TMEM74: variants seen among roughly 807,000 people sequenced by gnomAD.
TMEM74 encodes transmembrane protein 74.
A neutral mutation model predicts 18.1 loss-of-function variants in TMEM74; 13 were observed. The ratio of observed to expected loss-of-function variants is 0.72; its 90% confidence interval spans 0.47 to 1.14. The LOEUF (loss-of-function observed/expected upper bound fraction) is 1.14. TMEM74 is among the 50% of genes most tolerant of loss of function. The pLI, the probability that TMEM74 is intolerant of heterozygous loss-of-function variation, is 0.00. For missense variants in TMEM74, 372 were observed against 375.9 expected (o/e 0.99, Z 0.09); for synonymous variants, 159 against 146.6 (o/e 1.08, Z -0.61).
rs537044253 is a variant in TMEM74 at position 108,641,749 on chromosome 8, T to C, written n.264+13544A>G. 3.3e-5 allele frequency among the ~76,000 whole-genome samples: 5 copies of C among 152,162 alleles called. No individual in the cohort carries two copies. The East Asian group carries it at 5.8e-4, about 18-fold the overall frequency. ...AGTAACAACTAAATCTATTAATCTA[T>C]AGCCCAATCCAATAATCTTTCTTGC... is the stretch of plus-strand genomic sequence containing the variant. On this transcript the variant is annotated intron_variant and non_coding_transcript_variant, in intron 2 of 3. Coordinates refer to the TMEM74 transcript ENST00000518838.
chr8:108,724,586 G>A (rs931416477), intron 1 of TMEM74, among the ~76,000 whole-genome samples: 4 of 152,110 alleles, frequency 2.6e-5, no homozygotes, highest in Non-Finnish European at 4.4e-5. Flanking sequence ...GAAATAAAAA[G>A]TGATTCATTA....
intron 1 of TMEM74, among the ~76,000 whole-genome samples, chr8:108,771,584 GCAT>G (rs1814173684): frequency 6.6e-6 from 1 of 152,162 alleles, no homozygotes; most frequent in Non-Finnish European, 1.5e-5. Flanking sequence ...AAGCGCTGCT[GCAT>G]CATCAGCTAC....
chr8:108,633,733 A>T (rs1285892206), intron 2 of TMEM74, among the ~76,000 whole-genome samples: 2 of 152,016 alleles, frequency 1.3e-5, no homozygotes, highest in African/African-American at 4.8e-5. Flanking sequence ...AATTGTCAGC[A>T]TCAATACTGA....
At chr8:108,722,739 T>C (rs1434139537) in intron 1 of TMEM74, among the ~76,000 whole-genome samples, 1 of 148,660 alleles carries the variant, frequency 6.7e-6, no homozygotes, top group East Asian at 1.9e-4. Flanking sequence ...CCCACTAAGC[T>C]GTATTTTTTT....
At chr8:108,609,349 A>T (rs926402258) in intron 2 of TMEM74, among the ~76,000 whole-genome samples, 1 of 151,958 alleles carries the variant, frequency 6.6e-6, no homozygotes, top group Non-Finnish European at 1.5e-5. Context: ...AAGTTAAACT[A>T]TTCTTAAAAT....
At chr8:108,703,228 C>A (rs1813354619) in intron 1 of TMEM74, among the ~76,000 whole-genome samples, 1 of 152,156 alleles carries the variant, frequency 6.6e-6, no homozygotes, top group East Asian at 1.9e-4. Flanking sequence ...TGAACAGATC[C>A]TCTTATCCCA....
chr8:108,741,487 T>C (rs1813799703), intron 1 of TMEM74, among the ~76,000 whole-genome samples: 2 of 152,220 alleles, frequency 1.3e-5, no homozygotes, highest in Admixed American at 1.3e-4. Context: ...GGGACAGCCA[T>C]GGTTTACACC....
intron 2 of TMEM74, among the ~76,000 whole-genome samples, chr8:108,641,754 CA>C (rs1586244009): frequency 6.6e-6 from 1 of 152,096 alleles, no homozygotes; most frequent in East Asian, 1.9e-4. Context: ...ATCTATAGCC[CA>C]ATCCAATAAT....
intron 1 of TMEM74, among the ~76,000 whole-genome samples, chr8:108,715,776 T>C (rs913715569): frequency 6.6e-6 from 1 of 151,960 alleles, no homozygotes; most frequent in Non-Finnish European, 1.5e-5. Context: ...ATTAAAAAAG[T>C]CTAACCAAAT....
chr8:108,779,158 TAAGA>T lies in TMEM74; in HGVS notation c.*5019_*5022del, dbSNP rs1378693097. On this transcript the variant is annotated 3_prime_UTR_variant, in exon 2 of 2. Transcript: ENST00000297459. ...TTAACATATAAGGCATCAAGTGCCCTAAGAAAGAGCTCATAACCTTAATAATTGC... is the reference window on the plus strand; with the variant it reads ...TTAACATATAAGGCATCAAGTGCCCTAAGAGCTCATAACCTTAATAATTGC... Among the ~76,000 whole-genome samples the T allele has an allele frequency of 4.6e-5, 7 of 152,184 alleles. No individual in the cohort carries two copies. The highest frequency in any genetic ancestry group is 4.4e-5 in the Non-Finnish European group (3 of 68,026).
At chr8:108,698,576 T>C (rs983689313) in intron 1 of TMEM74, among the ~76,000 whole-genome samples, 4 of 152,174 alleles carry the variant, frequency 2.6e-5, no homozygotes. Context: ...TTACTATTGT[T>C]GTTACTGTTA....
At chr8:108,759,970 G>A (rs1469074677) in intron 1 of TMEM74, among the ~76,000 whole-genome samples, 1 of 151,946 alleles carries the variant, frequency 6.6e-6, no homozygotes, top group African/African-American at 2.4e-5. Flanking sequence ...GTCAGGAGTT[G>A]AAGACCAGCC....
chr8:108,659,748 G>A (rs1422441652), intron 1 of TMEM74, among the ~76,000 whole-genome samples: 1 of 152,098 alleles, frequency 6.6e-6, no homozygotes, highest in East Asian at 1.9e-4. Flanking sequence ...TACCCCTCAA[G>A]GAGGACTTGT....
chr8:108,710,238 T>C (rs1456924751), intron 1 of TMEM74, among the ~76,000 whole-genome samples: 3 of 152,242 alleles, frequency 2.0e-5, no homozygotes, highest in Non-Finnish European at 4.4e-5. Flanking sequence ...AGTGTTTCAA[T>C]GCTTAGCATT....
intron 1 of TMEM74, among the ~76,000 whole-genome samples, chr8:108,737,005 CG>C (rs1813755555): frequency 6.6e-6 from 1 of 152,014 alleles, no homozygotes; most frequent in South Asian, 2.1e-4. Flanking sequence ...AAAAGACAAA[CG>C]TTTAACTTTA....
At chr8:108,763,730 G>A (rs111713839) in intron 1 of TMEM74, among the ~76,000 whole-genome samples, 2,734 of 152,214 alleles carry the variant, frequency 0.018, 89 homozygotes, top group African/African-American at 0.062. Flanking sequence ...TTTAATTAGT[G>A]AAATTCCATA....
chr8:108,748,395 C>T (rs1813872313), intron 1 of TMEM74, among the ~76,000 whole-genome samples: 1 of 152,006 alleles, frequency 6.6e-6, no homozygotes, highest in African/African-American at 2.4e-5. Flanking sequence ...GTCCTTTGCC[C>T]ACTTTTAAAT....
At position 108,640,996 on chromosome 8, in the gene TMEM74, T is replaced by G. The variant is rs1307916378; in HGVS notation, n.264+14297A>C. Among the ~76,000 whole-genome samples, 4 of 152,186 alleles carry G rather than the reference T, an allele frequency of 2.6e-5. No individual in the cohort carries two copies. The East Asian group carries it at 7.7e-4, about 29-fold the overall frequency. On this transcript the variant is annotated intron_variant and non_coding_transcript_variant, in intron 2 of 3. Coordinates refer to the TMEM74 transcript ENST00000518838. ...TGAAAATAACTTTTGCTTTCAACTTTTTCTCCCTGCCCAATTGTTACTTCA... is the reference window on the plus strand; with the variant it reads ...TGAAAATAACTTTTGCTTTCAACTTGTTCTCCCTGCCCAATTGTTACTTCA...
chr8:108,648,974 T>G (rs1309098096), intron 2 of TMEM74, among the ~76,000 whole-genome samples: 1 of 152,200 alleles, frequency 6.6e-6, no homozygotes, highest in Non-Finnish European at 1.5e-5. Context: ...GTATTTATAT[T>G]AAGCTACTTA....
Sources: gnomAD v4.1 joint callset for allele counts (sites outside exome capture counted in the v4.1 genomes callset) on GRCh38, gnomAD v4.1.1 for gene constraint, MANE v1.5 for transcripts, NCBI Gene and HGNC (gene_info 2026-07-23, HGNC 2026-07-21) for gene names.